Variants in SLC14A2 observed in about 807,000 individuals in gnomAD.
The protein encoded by SLC14A2 is solute carrier family 14 member 2.
In SLC14A2, 91 loss-of-function variants were observed where a neutral mutation model predicts 104.6. The ratio of observed to expected loss-of-function variants is 0.87; its 90% CI spans 0.73 to 1.04. The LOEUF is 1.04. Ranked by LOEUF, SLC14A2 falls within the 50% of genes least tolerant of loss-of-function variation. The pLI is 0.00. For missense variants in SLC14A2, 1,189 were observed against 1,156.0 expected (o/e 1.03, Z -0.41); for synonymous variants, 476 against 466.4 (o/e 1.02, Z -0.27).
At chr18:45,646,685 C>T (rs1465468893) in intron 10 of SLC14A2, 8 of 152,128 alleles carry the variant, frequency 5.3e-5, no homozygotes, top group Non-Finnish European at 7.3e-5. Context: ...CCTGCCAACT[C>T]TTCACCTCAT....
Position 45,421,851 on chromosome 18 carries a change from C to A in SLC14A2, c.-124-61382C>A, listed in dbSNP as rs2086353524. 2.0e-5 allele frequency among the ~76,000 whole-genome samples: 3 copies of A among 152,240 alleles called. No individual in the cohort carries two copies. In the South Asian group the frequency reaches 6.2e-4, roughly 32 times the overall value. ...TGTCAATGTGAATCAGCCACTAATC[C>A]AACGCTGAATGATCATGCCTGGACA... On this transcript the variant is annotated intron_variant, in intron 1 of 20. Transcript: ENST00000586448.
rs1238819853 is a variant in SLC14A2, at chr18:45,414,418, A to G, written c.-124-68815A>G. ...ATAATGAACTGTTTGGGAACAGGGG[A>G]CTCTTCTGAAGTACCCAACAATTTA... On this transcript the variant is annotated intron_variant, in intron 1 of 20. Transcript: ENST00000586448. Among the ~76,000 whole-genome samples, 7 of 151,888 alleles carry G rather than the reference A, an allele frequency of 4.6e-5. No individual in the cohort carries two copies. In the South Asian group the frequency reaches 1.2e-3, roughly 27 times the overall value.
intron 10 of SLC14A2, chr18:45,647,619 A>G (rs952332599): frequency 2.0e-5 from 3 of 152,184 alleles, no homozygotes; most frequent in African/African-American, 7.2e-5. Flanking sequence ...TACAGCTATT[A>G]ATTTTCTCCT....
At chr18:45,367,282 G>A (rs2085675498) in intron 1 of SLC14A2, among the ~76,000 whole-genome samples, 1 of 152,164 alleles carries the variant, frequency 6.6e-6, no homozygotes, top group Non-Finnish European at 1.5e-5. Context: ...TGGATTTGGA[G>A]GATGCTACCG....
intron 1 of SLC14A2, among the ~76,000 whole-genome samples, chr18:45,377,532 T>C (rs1461300920): frequency 6.6e-6 from 1 of 152,022 alleles, no homozygotes; most frequent in African/African-American, 2.4e-5. Flanking sequence ...TCTACCTCTT[T>C]CTCCTCCCCA....
intron 11 of SLC14A2, 38 bp from the exon 12 acceptor site, chr18:45,666,099 G>T (rs1197201416): frequency 7.2e-7 from 1 of 1,395,668 alleles, no homozygotes; most frequent in Non-Finnish European, 1.0e-6. Flanking sequence ...CAGAGTAGAG[G>T]TGTCCTAACT....
At chr18:45,461,986 C>A (rs1401759908) in intron 1 of SLC14A2, among the ~76,000 whole-genome samples, 1 of 152,008 alleles carries the variant, frequency 6.6e-6, no homozygotes, top group Admixed American at 6.5e-5. Flanking sequence ...GAGCAGAAAG[C>A]GTAAGAAACA....
intron 1 of SLC14A2, among the ~76,000 whole-genome samples, chr18:45,386,167 A>C (rs541590065): frequency 6.6e-6 from 1 of 152,298 alleles, no homozygotes; most frequent in African/African-American, 2.4e-5. Flanking sequence ...TTCTGGGGTA[A>C]GTGAGGAGTC....
chr18:45,388,607 C>T (rs1041144087), intron 1 of SLC14A2, among the ~76,000 whole-genome samples: 4 of 152,198 alleles, frequency 2.6e-5, no homozygotes, highest in African/African-American at 2.4e-5. Context: ...TATTGAGATG[C>T]TGAATCTCTA....
chr18:45,240,161 A>G (rs1310209200), intron 1 of SLC14A2, among the ~76,000 whole-genome samples: 7 of 140,754 alleles, frequency 5.0e-5, no homozygotes, highest in South Asian at 2.2e-4. Flanking sequence ...CAGTGGTGCA[A>G]TCTCGGCTCA....
intron 2 of SLC14A2, among the ~76,000 whole-genome samples, chr18:45,484,367 C>A (rs2087556447): frequency 6.6e-6 from 1 of 152,166 alleles, no homozygotes; most frequent in African/African-American, 2.4e-5. Context: ...AGTTACTTCC[C>A]CACAATTCCA....
chr18:45,523,313 C>T (rs1182250711), intron 2 of SLC14A2, among the ~76,000 whole-genome samples: 2 of 151,692 alleles, frequency 1.3e-5, no homozygotes, highest in African/African-American at 4.8e-5. Flanking sequence ...CTCCCATCAC[C>T]AGGTTTTTTT....
intron 2 of SLC14A2, among the ~76,000 whole-genome samples, chr18:45,538,882 TTTCC>T (rs1327444236): frequency 5.4e-5 from 8 of 148,904 alleles, no homozygotes; most frequent in African/African-American, 1.7e-4. Context: ...GCTTGCTTTC[TTTCC>T]TTCCTTCCTT....
At chr18:45,624,914 A>G (rs2045235754) in intron 2 of SLC14A2, 100 bp downstream of exon 2, 1 of 1,243,162 alleles carries the variant, frequency 8.0e-7, no homozygotes, top group African/African-American at 1.5e-5. Context: ...AACTTAGCAC[A>G]CTGAGGAAGT....
At chr18:45,202,096 G>A in the SLC14A2 span, among the ~76,000 whole-genome samples, 2 of 152,092 alleles carry the variant, frequency 1.3e-5, no homozygotes, top group Non-Finnish European at 2.9e-5. Flanking sequence ...ACTTCAGCAG[G>A]TATTAATAAG....
chr18:45,343,953 G>C (rs759415998), intron 1 of SLC14A2, among the ~76,000 whole-genome samples: 15 of 152,172 alleles, frequency 9.9e-5, no homozygotes, highest in Non-Finnish European at 2.1e-4. Flanking sequence ...TCCCTGGAGG[G>C]GAAGTAGGGA....
intron 1 of SLC14A2, among the ~76,000 whole-genome samples, chr18:45,310,264 G>A (rs776786485): frequency 1.7e-4 from 26 of 152,156 alleles, no homozygotes; most frequent in African/African-American, 5.8e-4. Context: ...CAATTTTATC[G>A]GATATTACCA....
chr18:45,623,155 C>A (rs1418003982), intron 1 of SLC14A2, among the ~76,000 whole-genome samples: 3 of 151,976 alleles, frequency 2.0e-5, no homozygotes, highest in Non-Finnish European at 4.4e-5. Context: ...GTCACCTGAG[C>A]AGGTGAGCCA....
intron 1 of SLC14A2, among the ~76,000 whole-genome samples, chr18:45,250,419 C>G (rs2084409320): frequency 6.6e-6 from 1 of 152,076 alleles, no homozygotes; most frequent in South Asian, 2.1e-4. Context: ...ATTCTTCCCC[C>G]CCTTATTAAT....
Sources: gnomAD v4.1 joint callset for allele counts (sites outside exome capture counted in the v4.1 genomes callset) on GRCh38, gnomAD v4.1.1 for gene constraint, MANE v1.5 for transcripts, NCBI Gene and HGNC (gene_info 2026-07-23, HGNC 2026-07-21) for gene names.